Variants in SART1 observed in about 807,000 individuals in gnomAD.
SART1 encodes the protein spliceosome associated factor 1, recruiter of U4/U6.U5 tri-snRNP.
In SART1, 28 loss-of-function variants were observed where a neutral mutation model predicts 105.0. The observed-to-expected ratio is 0.27, with a 90% confidence interval of 0.20 to 0.37. The LOEUF (loss-of-function observed/expected upper bound fraction) is 0.37, where lower values mean the gene tolerates loss of function less well. Among genes scored for constraint, SART1 ranks in the 10% least tolerant of loss-of-function variants. SART1 has a pLI of 1.00. For synonymous variants in SART1, 472 were observed against 462.9 expected, an observed-to-expected ratio of 1.02 and a Z score of -0.25; for missense variants, 894 against 1,106.5, an observed-to-expected ratio of 0.81 and a Z score of 2.72.
In SART1 at chr11:65,976,391, C is replaced by T; in HGVS notation, c.1573-4C>T. The T allele has an allele frequency of 1.3e-6, 2 of 1,533,114 alleles. No homozygotes were observed. The highest frequency in any genetic ancestry group is 2.6e-5 in the South Asian group (2 of 76,396). The allele number at this position is 1,533,114 out of a possible 1,614,324, so 95.0% of individuals were successfully genotyped here. A position where few individuals can be genotyped will look rare whatever the true frequency, so the allele number is the denominator to read the frequency against. ...GGTTTGCCCACAGCCGCTCCCTCCCCCAGGTGGTGGAGATTGTGAAGAAGC... is the reference window on the plus strand; with the variant it reads ...GGTTTGCCCACAGCCGCTCCCTCCCTCAGGTGGTGGAGATTGTGAAGAAGC... On this transcript the variant is annotated splice_polypyrimidine_tract_variant and splice_region_variant and intron_variant, in intron 12 of 19. Coordinates refer to ENST00000312397, the MANE Select transcript of SART1 (RefSeq NM_005146.5). This position sits in a 1 kb window ranked among gnomAD's most constrained non-coding sequence, Gnocchi z 5.1.
rs1855491514 is a variant in SART1, at chr11:65,976,851, C to T, written c.1857+85C>T. On this transcript the variant is annotated intron_variant, in intron 14 of 19. Coordinates refer to ENST00000312397, the MANE Select transcript of SART1 (RefSeq NM_005146.5). The surrounding 1 kb of genome is among the most constrained non-coding windows in gnomAD (Gnocchi z 5.1). Reference sequence around the variant, plus strand: ...CGGGCTCGGTGTCCAGAGCCTCAGCCTCCTCATCCAGAGTGGGCTCTGCAG... The same window carrying T: ...CGGGCTCGGTGTCCAGAGCCTCAGCTTCCTCATCCAGAGTGGGCTCTGCAG... 7.9e-7 allele frequency: 1 copy of T among 1,265,822 alleles called. No homozygotes were observed. The highest frequency in any genetic ancestry group is 1.1e-6 in the Non-Finnish European group (1 of 896,498). 78.4% of individuals were successfully genotyped at this position (1,265,822 alleles called of 1,614,324 possible).
chr11:65,977,110 C>T lies in SART1; in HGVS notation c.1945+9C>T, dbSNP rs770029259. 1 of 1,609,046 alleles carries T rather than the reference C, an allele frequency of 6.2e-7. No individual in the cohort carries two copies. Among genetic ancestry groups the T allele is most frequent in the Non-Finnish European group, 8.5e-7 (1 of 1,176,294 alleles). ...CCTGTGTCAGAACAAAGGTAGGGAG[C>T]TCAGGGCAGCCATGACTTGGGTGGG... On this transcript the variant is annotated intron_variant, in intron 15 of 19. Coordinates refer to ENST00000312397, the MANE Select transcript of SART1 (RefSeq NM_005146.5).
At chr11:65,974,136 G>A (rs1318992444) in intron 12 of SART1, among the ~76,000 whole-genome samples, 5 of 149,710 alleles carry the variant, frequency 3.3e-5, no homozygotes, top group Admixed American at 2.7e-4. Context: ...GCCTAGGCAG[G>A]TGGATCACAA....
Position 65,976,256 on chromosome 11 carries a change from C to A in SART1, c.1573-139C>A, listed in dbSNP as rs557291420. 1.3e-6 allele frequency: 1 copy of A among 776,340 alleles called. No homozygotes were observed. The highest frequency in any genetic ancestry group is 2.0e-6 in the Non-Finnish European group (1 of 505,182). The allele number at this position is 776,340 out of a possible 1,614,324, so 48.1% of individuals were successfully genotyped here. Reference sequence around the variant, plus strand: ...GAAAGAGGTGCAGAGTGGAGTTAGGCGGCAGATAGCAGCTGGGCCTGCATG... The same window carrying A: ...GAAAGAGGTGCAGAGTGGAGTTAGGAGGCAGATAGCAGCTGGGCCTGCATG... On this transcript the variant is annotated intron_variant, in intron 12 of 19. Coordinates refer to ENST00000312397, the MANE Select transcript of SART1 (RefSeq NM_005146.5). The surrounding 1 kb of genome is among the most constrained non-coding windows in gnomAD (Gnocchi z 5.1).
chr11:65,967,555 C>T lies in SART1; in HGVS notation c.1398C>T (p.Thr466=). The T allele has an allele frequency of 6.2e-7, 1 of 1,612,706 alleles. No individual in the cohort carries two copies. The highest frequency in any genetic ancestry group is 8.5e-7 in the Non-Finnish European group (1 of 1,179,970). ...CTCAGCCCCTGCCGTCGGACGACAC[C>T]CGAGTGGAGAACATGGACATCAGTG... The part of the protein sequence containing the change: ...PVPQPLPSDD[T]RVENMDISDE... Residue 466 remains threonine, a synonymous_variant, in exon 11 of 20, where the codon ACC becomes ACT. Transcript: ENST00000312397.
chr11:65,970,221 T>G (rs1041683974), intron 12 of SART1, among the ~76,000 whole-genome samples: 1 of 152,182 alleles, frequency 6.6e-6, no homozygotes, highest in African/African-American at 2.4e-5. Context: ...ACGACTTCAG[T>G]AGGCATCTGG....
Position 65,966,341 on chromosome 11 carries a change from G to A in SART1, c.982-9G>A. ...GCCTGGGTCCCAACCTGTACCTCTT[G>A]CCTTGCAGCAAAAACCTCGCTCTAT... On this transcript the variant is annotated splice_polypyrimidine_tract_variant and intron_variant, in intron 8 of 19. Coordinates refer to ENST00000312397, the MANE Select transcript of SART1 (RefSeq NM_005146.5). 2 of 1,614,034 alleles carry A rather than the reference G, an allele frequency of 1.2e-6. No individual in the cohort carries two copies. The highest frequency in any genetic ancestry group is 1.7e-6 in the Non-Finnish European group (2 of 1,180,034).
chr11:65,978,665 G>A lies in SART1; in HGVS notation c.2238G>A (p.Arg746=). 1 of 1,601,436 alleles carries A rather than the reference G, an allele frequency of 6.2e-7. No individual in the cohort carries two copies. The highest frequency in any genetic ancestry group is 1.7e-4 in the Middle Eastern group (1 of 5,966). The change falls in exon 18 of 20, where the codon CGG becomes CGA. Residue 746 remains arginine (R), a synonymous_variant. Transcript: ENST00000312397. The surrounding 1 kb of genome is among the most constrained non-coding windows in gnomAD (Gnocchi z 6.8). ...KGSGKMKTER[R]MKKLDEEALL... is the part of the protein sequence containing the mutation. ...CAGGCAAGATGAAGACAGAGCGGCG[G>A]ATGAAGAAGCTGGACGAGGAGGCGG... is the stretch of plus-strand genomic sequence containing the variant.
rs1179008467 is a variant in SART1, at chr11:65,978,710, G to T, written c.2262+21G>T. ...AGGCGGTGGGTGCCCTTGGGGATGT[G>T]GGGGGCCCTGTGCCTGCCGGGGCAG... On this transcript the variant is annotated intron_variant, in intron 18 of 19. Coordinates refer to ENST00000312397, the MANE Select transcript of SART1 (RefSeq NM_005146.5). The surrounding 1 kb of genome is among the most constrained non-coding windows in gnomAD (Gnocchi z 6.8). 1.2e-6 allele frequency: 2 copies of T among 1,613,034 alleles called. No homozygotes were observed. The highest frequency in any genetic ancestry group is 2.7e-5 in the African/African-American group (2 of 74,852).
In SART1 at chr11:65,978,663, C is replaced by T. The variant is rs752447113; in HGVS notation, c.2236C>T (p.Arg746Trp). 8.8e-6 allele frequency: 14 copies of T among 1,599,426 alleles called. No individual in the cohort carries two copies. The highest frequency in any genetic ancestry group is 2.2e-5 in the South Asian group (2 of 89,832). Residue 746 changes from arginine to tryptophan, a missense_variant, in exon 18 of 20, where the codon CGG becomes TGG. Physicochemically the swap from Arg to Trp is moderately radical, Grantham distance 101 (BLOSUM62 -3). This residue lies in a region of SART1 where 182 missense variants were observed against 328.3 expected (regional missense o/e 0.55). Coordinates refer to ENST00000312397, the MANE Select transcript of SART1 (RefSeq NM_005146.5). This position sits in a 1 kb window ranked among gnomAD's most constrained non-coding sequence, Gnocchi z 6.8. ...KGSGKMKTERRMKKLDEEALL... is the reference protein window; with the variant it reads ...KGSGKMKTERWMKKLDEEALL... Reference sequence around the variant, plus strand: ...CTCAGGCAAGATGAAGACAGAGCGGCGGATGAAGAAGCTGGACGAGGAGGC... The same window carrying T: ...CTCAGGCAAGATGAAGACAGAGCGGTGGATGAAGAAGCTGGACGAGGAGGC...
chr11:65,979,708 C>T lies in SART1; in HGVS notation c.*678C>T, dbSNP rs184739906. 1 of 152,326 alleles carries T rather than the reference C, an allele frequency of 6.6e-6. No homozygotes were observed. The highest frequency in any genetic ancestry group is 1.9e-4 in the East Asian group (1 of 5,184). 9.4% of individuals were successfully genotyped at this position (152,326 alleles called of 1,614,324 possible). On this transcript the variant is annotated 3_prime_UTR_variant, in exon 20 of 20. Coordinates refer to ENST00000312397, the MANE Select transcript of SART1 (RefSeq NM_005146.5). Reference sequence around the variant, plus strand: ...AAGACAAACGGCCACCTTGGGTGCCCAGGATACTGGTGCCTGGCCCCACGT... The same window carrying T: ...AAGACAAACGGCCACCTTGGGTGCCTAGGATACTGGTGCCTGGCCCCACGT...
rs781659134 is a variant in SART1, at chr11:65,965,202, C to T, written c.538C>T (p.Leu180=). Residue 180 remains leucine, a synonymous_variant, in exon 4 of 20, where the codon CTG becomes TTG. Coordinates refer to ENST00000312397, the MANE Select transcript of SART1 (RefSeq NM_005146.5). ...KLAAAKEKRL[L]NQKLGKIKTL... The stretch of plus-strand genomic sequence containing the variant: ...GGCGGCTGCCAAGGAGAAGCGCCTG[C>T]TGAACCAAAAGCTGGGGTGAGGGGT... The T allele has an allele frequency of 1.2e-6, 2 of 1,606,676 alleles. No individual in the cohort carries two copies. The highest frequency in any genetic ancestry group is 1.7e-6 in the Non-Finnish European group (2 of 1,178,264).
At chr11:65,966,751 C>CCA (rs1855267935) in intron 9 of SART1, among the ~76,000 whole-genome samples, 195 bp downstream of exon 9, 1 of 152,196 alleles carries the variant, frequency 6.6e-6, no homozygotes, top group East Asian at 1.9e-4. Context: ...CAGATGGGCC[C>CCA]CAGTCTGTTT....
rs1413330512 is a variant in SART1 at position 65,965,448 on chromosome 11, G to T, written c.660+1G>T. The T allele has an allele frequency of 6.4e-7, 1 of 1,554,408 alleles. No homozygotes were observed. Among genetic ancestry groups the T allele is most frequent in the South Asian group, 1.2e-5 (1 of 84,410 alleles). On this transcript the variant is annotated splice_donor_variant, in intron 5 of 19. Transcript: ENST00000312397. LOFTEE classifies it high-confidence loss of function. Reference sequence around the variant, plus strand: ...GGAGAAGGACCTGGCAGAGAAGAGGGTGAGCACCTGGGCAGCATGGGGTGG... The same window carrying T: ...GGAGAAGGACCTGGCAGAGAAGAGGTTGAGCACCTGGGCAGCATGGGGTGG...
rs747611577 is a variant in SART1, at chr11:65,978,351, G to A, written c.2173-249G>A. 7 of 554,528 alleles carry A rather than the reference G, an allele frequency of 1.3e-5. No individual in the cohort carries two copies. Among genetic ancestry groups the A allele is most frequent in the African/African-American group, 1.9e-5 (1 of 52,876 alleles). The allele number at this position is 554,528 out of a possible 1,614,324, so 34.4% of individuals were successfully genotyped here. The stretch of plus-strand genomic sequence containing the variant: ...AGCGTCCAGGCCCAGCCCCTGCGTG[G>A]CAGGTCTCCAGGTTCCCCATGCTCT... On this transcript the variant is annotated intron_variant, in intron 17 of 19. Coordinates refer to ENST00000312397, the MANE Select transcript of SART1 (RefSeq NM_005146.5). This position sits in a 1 kb window ranked among gnomAD's most constrained non-coding sequence, Gnocchi z 6.8.
Position 65,976,671 on chromosome 11 carries a change from G to A in SART1, c.1762G>A (p.Glu588Lys), listed in dbSNP as rs200608651. 309 of 1,613,806 alleles carry A rather than the reference G, an allele frequency of 1.9e-4. 4 individuals are homozygous for A. In the East Asian group the frequency reaches 6.8e-3, roughly 36 times the overall value. The stretch of plus-strand genomic sequence containing the variant: ...TGTGCCCCAGGACTTTGAACGGGAT[G>A]AGGAGCGCTCAGCCAACGGTGGCTC... ...QEELMDFERD[E>K]ERSANGGSES... The change falls in exon 14 of 20, where the codon GAG becomes AAG. Residue 588 changes from glutamate to lysine, a missense_variant. Around this residue, in one of 2 missense-constraint regions of SART1, gnomAD observed 182 missense variants for 328.3 expected, o/e 0.55. Transcript: ENST00000312397. This position sits in a 1 kb window ranked among gnomAD's most constrained non-coding sequence, Gnocchi z 5.1.
chr11:65,970,031 G>A (rs914600729), intron 12 of SART1, among the ~76,000 whole-genome samples: 1 of 152,106 alleles, frequency 6.6e-6, no homozygotes, highest in African/African-American at 2.4e-5. Context: ...CACCTAGAAG[G>A]TTTTTTAAAC....
chr11:65,967,906 T>C, intron 12 of SART1, 85 bp downstream of exon 12: 1 of 1,110,290 alleles, frequency 9.0e-7, no homozygotes, highest in Non-Finnish European at 1.2e-6. Context: ...GCCACATTCC[T>C]GTCTGAAGCC....
At chr11:65,968,919 T>A (rs1238765416) in intron 12 of SART1, among the ~76,000 whole-genome samples, 1 of 152,148 alleles carries the variant, frequency 6.6e-6, no homozygotes, top group African/African-American at 2.4e-5. Flanking sequence ...CAACACCCTA[T>A]GAGGAAGGTT....
Sources: allele counts gnomAD v4.1 joint callset (sites outside exome capture counted in the v4.1 genomes callset), GRCh38; gene constraint gnomAD v4.1.1; regional missense constraint gnomAD v4.1.1; non-coding constraint Gnocchi (gnomAD v3.1); transcripts MANE v1.5; gene names NCBI Gene and HGNC (gene_info 2026-07-23, HGNC 2026-07-21).